The following LARGE1 variants were observed in gnomAD, a reference collection of about 807,000 sequenced individuals.
LARGE1 encodes the protein LARGE xylosyl- and glucuronyltransferase 1, also known as xylosyl- and glucuronyltransferase LARGE1.
Under a neutral mutation model 87.6 loss-of-function variants are expected in LARGE1, and 43 were observed. The observed-to-expected ratio is 0.49, with a 90% CI of 0.38 to 0.63. The LOEUF (loss-of-function observed/expected upper bound fraction) is 0.63, where lower values mean the gene tolerates loss of function less well. LARGE1 is among the 30% of genes least tolerant of loss of function. The pLI, the probability that LARGE1 is intolerant of heterozygous loss-of-function variation, is 0.00. For missense variants in LARGE1, 802 were observed against 1,000.2 expected (o/e 0.80, Z 2.67); for synonymous variants, 434 against 394.6 (o/e 1.10, Z -1.18).
At chr22:33,114,767 AT>A in the LARGE1 span, among the ~76,000 whole-genome samples, 2 of 152,230 alleles carry the variant, frequency 1.3e-5, no homozygotes, top group Admixed American at 6.5e-5. Context: ...TATCTGCAAA[AT>A]GAGGATAATA....
At chr22:33,248,482 C>T (rs1926870055) in intron 11 of LARGE1, among the ~76,000 whole-genome samples, 1 of 152,180 alleles carries the variant, frequency 6.6e-6, no homozygotes, top group African/African-American at 2.4e-5. Context: ...AGGCGTGAGC[C>T]AACACGTGAG....
chr22:33,771,006 A>G (rs1196647719), intron 1 of LARGE1, among the ~76,000 whole-genome samples: 1 of 152,022 alleles, frequency 6.6e-6, no homozygotes, highest in Non-Finnish European at 1.5e-5. Flanking sequence ...AAAGCAGCAC[A>G]ACCTGCATGG....
chr22:33,158,926 C>T (rs1921943111), downstream of LARGE1, among the ~76,000 whole-genome samples: 1 of 152,148 alleles, frequency 6.6e-6, no homozygotes, highest in Non-Finnish European at 1.5e-5. Context: ...GAAACTGTGA[C>T]ATTCAAAAAG....
At chr22:33,421,290 C>T (rs543721598) in intron 7 of LARGE1, among the ~76,000 whole-genome samples, 1 of 152,178 alleles carries the variant, frequency 6.6e-6, no homozygotes, top group Non-Finnish European at 1.5e-5. Context: ...TTGACCCAGA[C>T]ACTGTCCCAT....
At chr22:33,846,845 C>T (rs1165071819) in intron 1 of LARGE1, among the ~76,000 whole-genome samples, 1 of 152,122 alleles carries the variant, frequency 6.6e-6, no homozygotes, top group Admixed American at 6.6e-5. Flanking sequence ...GCTCTCAAAA[C>T]CCTGTCTCCT....
At chr22:33,452,793 C>T (rs542408389) in intron 6 of LARGE1, among the ~76,000 whole-genome samples, 81 of 152,340 alleles carry the variant, frequency 5.3e-4, no homozygotes, top group Middle Eastern at 6.8e-3. Context: ...TTGAAAACAG[C>T]TGAGGCATTT....
At chr22:33,320,614 T>C (rs572501770) in intron 10 of LARGE1, among the ~76,000 whole-genome samples, 1 of 152,380 alleles carries the variant, frequency 6.6e-6, no homozygotes, top group South Asian at 2.1e-4. Flanking sequence ...AAATATTTGC[T>C]GTATACAAAA....
At chr22:33,089,421 C>A in the LARGE1 span, among the ~76,000 whole-genome samples, 1 of 85,432 alleles carries the variant, frequency 1.2e-5, no homozygotes, top group African/African-American at 7.6e-5. Flanking sequence ...TCTACTTCTT[C>A]TTCCTCTTCC....
chr22:33,803,912 C>T (rs1005236175), intron 1 of LARGE1, among the ~76,000 whole-genome samples: 3 of 152,198 alleles, frequency 2.0e-5, no homozygotes, highest in South Asian at 2.1e-4. Context: ...CCAGTCTTAT[C>T]GGGTCTGAGA....
chr22:33,514,308 T>G (rs1015971806), intron 6 of LARGE1, among the ~76,000 whole-genome samples: 1 of 143,330 alleles, frequency 7.0e-6, no homozygotes, highest in Non-Finnish European at 1.5e-5. Context: ...ACACACACGA[T>G]GATGCACAGT....
At chr22:33,539,793 T>C (rs1231801797) in intron 6 of LARGE1, among the ~76,000 whole-genome samples, 2 of 152,134 alleles carry the variant, frequency 1.3e-5, no homozygotes, top group Non-Finnish European at 2.9e-5. Flanking sequence ...TTGCCCAGGC[T>C]GGTCTCAAAT....
chr22:33,497,964 C>T (rs2070228549), intron 6 of LARGE1, among the ~76,000 whole-genome samples: 1 of 152,160 alleles, frequency 6.6e-6, no homozygotes, highest in Non-Finnish European at 1.5e-5. Context: ...CTCACTGCAA[C>T]CTCCGCCTCC....
At chr22:33,869,330 T>C (rs1432838916) in intron 1 of LARGE1, among the ~76,000 whole-genome samples, 1 of 152,098 alleles carries the variant, frequency 6.6e-6, no homozygotes, top group Non-Finnish European at 1.5e-5. Flanking sequence ...GTGGCAAGGC[T>C]AAAATTAGGA....
chr22:33,074,299 T>C, the LARGE1 span, among the ~76,000 whole-genome samples: 2 of 152,200 alleles, frequency 1.3e-5, no homozygotes, highest in Non-Finnish European at 2.9e-5. Flanking sequence ...GTACCTTTGA[T>C]ATGATTTTCC....
intron 2 of LARGE1, among the ~76,000 whole-genome samples, chr22:33,684,113 G>C (rs1408829584): frequency 6.6e-6 from 1 of 152,162 alleles, no homozygotes; most frequent in Non-Finnish European, 1.5e-5. Context: ...GCAAGATTTA[G>C]TACCGAACGT....
chr22:33,790,538 A>AAT (rs1412915818), intron 1 of LARGE1, among the ~76,000 whole-genome samples: 2 of 152,214 alleles, frequency 1.3e-5, no homozygotes, highest in South Asian at 2.1e-4. Flanking sequence ...TTCAAAAGCC[A>AAT]ATATATATTT....
At position 33,304,332 on chromosome 22, in the gene LARGE1, C is replaced by T; in HGVS notation, c.1627G>A (p.Val543Met). 4 of 1,614,258 alleles carry T rather than the reference C, an allele frequency of 2.5e-6. No homozygotes were observed. The highest frequency in any genetic ancestry group is 3.4e-6 in the Non-Finnish European group (4 of 1,180,042). The change falls in exon 12 of 15, where the codon GTG (valine) becomes ATG (methionine). Residue 543 changes from valine to methionine, a missense_variant. By Grantham distance (21) the Val-to-Met change is conservative (BLOSUM62 1). Transcript: ENST00000397394. ...ATGGCCACGTTGCGCAGCAGGTTCA[C>T]GGGGTAGAACTGGCCCTCCTTGTAC... ...IVYKEGQFYP[V>M]NLLRNVAMKH...
intron 7 of LARGE1, among the ~76,000 whole-genome samples, chr22:33,398,976 C>CT (rs201018038): frequency 2.6e-5 from 4 of 152,138 alleles, no homozygotes; most frequent in Admixed American, 6.5e-5. Flanking sequence ...TAAACTTCTG[C>CT]TTTTTTAAAA....
At position 33,500,251 on chromosome 22, in the gene LARGE1, C is replaced by T. The variant is rs138440264; in HGVS notation, c.787+64597G>A. ...ACCTTTGAATCCCCCATGATTAGCA[C>T]GCTGCTTTGCCAACAGTTAGGTGCT... On this transcript the variant is annotated intron_variant, in intron 6 of 14. Transcript: ENST00000397394. Among the ~76,000 whole-genome samples, 690 of 152,262 alleles carry T rather than the reference C, an allele frequency of 4.5e-3. 3 individuals carry two copies. Among genetic ancestry groups the T allele is most frequent in the Middle Eastern group, 0.034 (10 of 294 alleles).
Sources: gnomAD v4.1 joint callset for allele counts (sites outside exome capture counted in the v4.1 genomes callset) on GRCh38, gnomAD v4.1.1 for gene constraint, MANE v1.5 for transcripts, NCBI Gene and HGNC (gene_info 2026-07-23, HGNC 2026-07-21) for gene names.